The following RIF1 variants were observed in gnomAD, a reference collection of about 807,000 sequenced individuals.
RIF1 encodes the protein telomere-associated protein RIF1.
Under a neutral mutation model 247.1 loss-of-function variants are expected in RIF1, and 45 were observed. That is an observed-to-expected ratio of 0.18 (90% confidence interval 0.14 to 0.23). RIF1 has a LOEUF of 0.23. RIF1 is among the 10% of genes least tolerant of loss of function. The pLI is 1.00. For missense variants in RIF1, 2,967 were observed against 2,862.5 expected (o/e 1.04, Z -0.83); for synonymous variants, 1,087 against 978.8 (o/e 1.11, Z -2.06).
At chr2:151,443,843 G>A (rs773879246) in intron 18 of RIF1, 134 bp downstream of exon 18, 5 of 525,072 alleles carry the variant, frequency 9.5e-6, no homozygotes, top group Admixed American at 4.0e-5. Context: ...GGTAAACGTT[G>A]TACTTTTGAT....
the RIF1 span, chr2:151,518,903 A>G: frequency 8.8e-7 from 1 of 1,142,500 alleles, no homozygotes; most frequent in African/African-American, 1.5e-5. Context: ...ATCTGGGCTC[A>G]GAAAGAATTT....
At chr2:151,498,932 G>GTACT (rs1354703218) in intron 10 of RIF1, among the ~76,000 whole-genome samples, 1 of 151,742 alleles carries the variant, frequency 6.6e-6, no homozygotes, top group African/African-American at 2.4e-5. Flanking sequence ...AATAACAGTA[G>GTACT]AGATAGAAAA....
chr2:151,462,204 TCC>T (rs1696295730), intron 27 of RIF1, 36 bp from the exon 28 acceptor site: 2 of 1,239,594 alleles, frequency 1.6e-6, no homozygotes, highest in Admixed American at 2.0e-5. Context: ...AAGAATATCA[TCC>T]GGTTTTTGAA....
At chr2:151,459,841 C>T (rs1254608259) in intron 25 of RIF1, among the ~76,000 whole-genome samples, 159 bp from the exon 26 acceptor site, 4 of 152,154 alleles carry the variant, frequency 2.6e-5, no homozygotes, top group Non-Finnish European at 5.9e-5. Context: ...TTGAATTAGA[C>T]AGTGGCTTTC....
chr2:151,458,883 G>A lies in RIF1; in HGVS notation c.2928G>A (p.Glu976=). Reference sequence around the variant, plus strand: ...GTTTGGAAACTGTTGAAATGATGGAGGAATCCAGTGGACCATATTCTGATG... The same window carrying A: ...GTTTGGAAACTGTTGAAATGATGGAAGAATCCAGTGGACCATATTCTGATG... ...LPGLETVEMM[E]ESSGPYSDGT... The change falls in exon 25 of 36, where the codon GAG becomes GAA. Residue 976 remains glutamate, a synonymous_variant. Transcript: ENST00000444746. 2 of 1,609,630 alleles carry A rather than the reference G, an allele frequency of 1.2e-6. No homozygotes were observed. Among genetic ancestry groups the A allele is most frequent in the South Asian group, 1.1e-5 (1 of 90,716 alleles).
At chr2:151,462,580 T>A (rs1696353760) in intron 29 of RIF1, 114 bp downstream of exon 29, 1 of 699,648 alleles carries the variant, frequency 1.4e-6, no homozygotes, top group Admixed American at 2.8e-5. Flanking sequence ...AAATTTATTG[T>A]AGATTTATTG....
chr2:151,505,438 G>T, intron 12 of RIF1: 1 of 1,513,128 alleles, frequency 6.6e-7, no homozygotes, highest in Non-Finnish European at 9.2e-7. Flanking sequence ...ATTGAGAGAT[G>T]GCCAGTCACA....
chr2:151,464,966 A>C lies in RIF1; in HGVS notation c.5446A>C (p.Thr1816Pro). ...TINDSLIVSE[T>P]KSKENTMQES... ...TAATGATTCATTAATTGTTTCTGAAACCAAATCAAAAGAAAACACTATGCA... is the reference window on the plus strand; with the variant it reads ...TAATGATTCATTAATTGTTTCTGAACCCAAATCAAAAGAAAACACTATGCA... The change falls in exon 30 of 36, where the codon ACC (threonine) becomes CCC (proline). Residue 1816 changes from threonine (T) to proline (P), a missense_variant. Thr to Pro is a conservative substitution (Grantham distance 38). Transcript: ENST00000444746. 6.4e-7 allele frequency: 1 copy of C among 1,573,554 alleles called. No individual in the cohort carries two copies. Among genetic ancestry groups the C allele is most frequent in the Non-Finnish European group, 8.6e-7 (1 of 1,168,032 alleles).
At chr2:151,490,116 TG>T (rs751462080) in intron 9 of RIF1, 2 of 1,466,952 alleles carry the variant, frequency 1.4e-6, no homozygotes. Flanking sequence ...AGAAGAAAAA[TG>T]GCTAGGTATC....
At chr2:151,443,422 T>A (rs1046620657) in intron 17 of RIF1, 93 bp downstream of exon 17, 90 of 1,340,834 alleles carry the variant, frequency 6.7e-5, no homozygotes, top group Non-Finnish European at 7.7e-5. Flanking sequence ...TAAGTTTTTT[T>A]AAAAAAAATT....
In RIF1 at chr2:151,474,894, CA is replaced by C; in HGVS notation, c.7247del (p.Asn2416ThrfsTer33). 3 of 1,598,264 alleles carry C rather than the reference CA, an allele frequency of 1.9e-6. No individual in the cohort carries two copies. Among genetic ancestry groups the C allele is most frequent in the South Asian group, 1.1e-5 (1 of 90,548 alleles). ...CTGTTGCTTTAGAAATTCCATTATC[CA>C]AAAACCTTCTGGCACAGATTAGTGC... is the stretch of plus-strand genomic sequence containing the variant. ...DPVALEIPLS[K>X]NLLAQISALA... On this transcript the variant is annotated frameshift_variant, in exon 36 of 36. Coordinates refer to ENST00000444746, the MANE Select transcript of RIF1 (RefSeq NM_018151.5). LOFTEE classifies it high-confidence loss of function.
intron 3 of RIF1, among the ~76,000 whole-genome samples, chr2:151,413,114 C>T (rs985809659): frequency 1.3e-5 from 2 of 151,582 alleles, no homozygotes; most frequent in Non-Finnish European, 2.9e-5. Flanking sequence ...GGCTTGAACA[C>T]CTCCTGGGTT....
the RIF1 span, chr2:151,526,281 G>C: frequency 1.3e-6 from 2 of 1,543,084 alleles, no homozygotes; most frequent in South Asian, 2.3e-5. Flanking sequence ...GCAGGAAAAG[G>C]GGCATTTCTT....
At position 151,465,075 on chromosome 2, in the gene RIF1, A is replaced by G. The variant is rs770070444; in HGVS notation, c.5555A>G (p.Gln1852Arg). ...DSSEAMSLES[Q>R]ESPNENFKTV... ...AGTGAAGCAATGTCTCTTGAAAGCC[A>G]GGAGTCACCTAATGAAAATTTTAAA... Residue 1852 changes from glutamine to arginine, a missense_variant, in exon 30 of 36, where the codon CAG becomes CGG. Physicochemically the swap from Gln to Arg is conservative, Grantham distance 43. Around this residue, in one of 7 missense-constraint regions of RIF1, gnomAD observed 2,028 missense variants for 1,825.6 expected, o/e 1.11. Coordinates refer to ENST00000444746, the MANE Select transcript of RIF1 (RefSeq NM_018151.5). 1 of 1,599,750 alleles carries G rather than the reference A, an allele frequency of 6.3e-7. No homozygotes were observed. The highest frequency in any genetic ancestry group is 1.1e-5 in the South Asian group (1 of 87,236).
chr2:151,497,116 C>G, intron 10 of RIF1: 1 of 1,458,890 alleles, frequency 6.9e-7, no homozygotes, highest in Non-Finnish European at 9.3e-7. Flanking sequence ...GGTCAGCTTC[C>G]TTGTTAAGAC....
At position 151,458,919 on chromosome 2, in the gene RIF1, G is replaced by A. The variant is rs760655260; in HGVS notation, c.2955+9G>A. Reference sequence around the variant, plus strand: ...GACCATATTCTGATGGAGTAAGTTGGGGGGTTTTATTGTTCATTTGTTTTT... The same window carrying A: ...GACCATATTCTGATGGAGTAAGTTGAGGGGTTTTATTGTTCATTTGTTTTT... On this transcript the variant is annotated intron_variant, in intron 25 of 35. Transcript: ENST00000444746. 2 of 1,518,196 alleles carry A rather than the reference G, an allele frequency of 1.3e-6. No individual in the cohort carries two copies. The highest frequency in any genetic ancestry group is 1.2e-5 in the South Asian group (1 of 86,504). 94.0% of individuals were successfully genotyped at this position (1,518,196 alleles called of 1,614,324 possible).
chr2:151,436,205 G>A (rs368004778), intron 11 of RIF1, among the ~76,000 whole-genome samples: 2 of 151,506 alleles, frequency 1.3e-5, no homozygotes, highest in East Asian at 1.9e-4. Flanking sequence ...CAGCCTGGGC[G>A]ACAGAGTGAG....
chr2:151,525,784 G>A, the RIF1 span, among the ~76,000 whole-genome samples: 1,363 of 152,304 alleles, frequency 8.9e-3, 10 homozygotes, highest in Non-Finnish European at 0.013. Context: ...GCCAGAATTG[G>A]AAAGCCAATA....
intron 10 of RIF1, among the ~76,000 whole-genome samples, chr2:151,495,773 C>T (rs1047421406): frequency 1.3e-5 from 2 of 152,098 alleles, no homozygotes; most frequent in African/African-American, 4.8e-5. Flanking sequence ...ATTGCCAAAA[C>T]TACTATTGGA....
Sources: allele counts gnomAD v4.1 joint callset (sites outside exome capture counted in the v4.1 genomes callset), GRCh38; gene constraint gnomAD v4.1.1; regional missense constraint gnomAD v4.1.1; transcripts MANE v1.5; gene names NCBI Gene and HGNC (gene_info 2026-07-23, HGNC 2026-07-21).